The following CCDC186 variants were observed in gnomAD, a reference collection of about 807,000 sequenced individuals.
CCDC186 encodes the protein coiled-coil domain containing 186, also known as coiled-coil domain-containing protein 186.
CCDC186 carries 49 observed loss-of-function variants against 113.7 expected under a neutral mutation model. The observed-to-expected ratio is 0.43, with a 90% CI of 0.34 to 0.55. The LOEUF is 0.55. Ranked by LOEUF, CCDC186 falls within the 20% of genes least tolerant of loss-of-function variation. The pLI, the probability that CCDC186 is intolerant of heterozygous loss-of-function variation, is 0.02. For synonymous variants in CCDC186, 355 were observed against 345.8 expected (o/e 1.03, Z -0.30); for missense variants, 890 against 1,011.1 (o/e 0.88, Z 1.62).
chr10:114,157,497 G>T, intron 3 of CCDC186, 57 bp downstream of exon 3: 16 of 1,489,076 alleles, frequency 1.1e-5, no homozygotes, highest in Non-Finnish European at 1.4e-5. Context: ...CGGCTGCCAG[G>T]AATGTATTTA....
chr10:114,152,942 T>C (rs1242750979), intron 3 of CCDC186, among the ~76,000 whole-genome samples: 1 of 152,208 alleles, frequency 6.6e-6, no homozygotes, highest in Non-Finnish European at 1.5e-5. Flanking sequence ...CAGATAAATG[T>C]ATATGCATCT....
At chr10:114,146,319 T>C (rs534124266) in intron 4 of CCDC186, among the ~76,000 whole-genome samples, 1 of 152,338 alleles carries the variant, frequency 6.6e-6, no homozygotes, top group African/African-American at 2.4e-5. Context: ...TCTTCCCTTT[T>C]TGGGATCCCT....
In CCDC186 at chr10:114,151,220, A is replaced by T; in HGVS notation, c.760T>A (p.Leu254Ile). The change falls in exon 4 of 16, where the codon TTA becomes ATA. Residue 254 changes from leucine (L) to isoleucine (I), a missense_variant and splice_region_variant. Coordinates refer to ENST00000369287, the MANE Select transcript of CCDC186 (RefSeq NM_018017.4). ...EKQHMNTIKQ[L>I]ESRIEELNKE... is the part of the protein sequence containing the mutation. ...TTAAGTTCTTCTATTCTTGATTCTA[A>T]CTGTAAAGAAAATTATTTCCAAATT... The T allele has an allele frequency of 6.5e-7, 1 of 1,530,108 alleles. No individual in the cohort carries two copies. Among genetic ancestry groups the T allele is most frequent in the South Asian group, 1.1e-5 (1 of 86,982 alleles). The allele number at this position is 1,530,108 out of a possible 1,614,324, so 94.8% of individuals were successfully genotyped here.
At chr10:114,155,142 G>GA (rs2031972778) in intron 3 of CCDC186, among the ~76,000 whole-genome samples, 1 of 152,156 alleles carries the variant, frequency 6.6e-6, no homozygotes, top group African/African-American at 2.4e-5. Flanking sequence ...TTTTTGGGGT[G>GA]ATGACATGTT....
At position 114,122,663 on chromosome 10, in the gene CCDC186, G is replaced by A. The variant is rs2030765961; in HGVS notation, c.*2480C>T. On this transcript the variant is annotated 3_prime_UTR_variant, in exon 16 of 16. Transcript: ENST00000369287. ...CCATTCTCCTCACCATATATTCAGA[G>A]GGCAGAAGGCCCTCTAAATCCTTAC... The A allele has an allele frequency of 6.6e-6, 1 of 152,040 alleles. No homozygotes were observed. Among genetic ancestry groups the A allele is most frequent in the African/African-American group, 2.4e-5 (1 of 41,398 alleles). 9.4% of individuals were successfully genotyped at this position (152,040 alleles called of 1,614,324 possible). A position where few individuals can be genotyped will look rare whatever the true frequency, so the allele number is the denominator to read the frequency against.
At chr10:114,145,193 C>G (rs1346830426) in intron 5 of CCDC186, among the ~76,000 whole-genome samples, 3 of 152,004 alleles carry the variant, frequency 2.0e-5, no homozygotes, top group Non-Finnish European at 4.4e-5. Context: ...GGTTCTAAAA[C>G]TATTCATTTT....
rs372914668 is a variant in CCDC186, at chr10:114,144,631, C to T, written c.1102-15G>A. ...GTTTCGCCTTCCTAAAATAATATCA[C>T]TAGGTCATATATTTTCATTTATAGA... On this transcript the variant is annotated splice_polypyrimidine_tract_variant and intron_variant, in intron 5 of 15. Coordinates refer to ENST00000369287, the MANE Select transcript of CCDC186 (RefSeq NM_018017.4). 3.1e-6 allele frequency: 5 copies of T among 1,590,222 alleles called. No individual in the cohort carries two copies. The highest frequency in any genetic ancestry group is 3.5e-5 in the Admixed American group (2 of 57,128).
intron 1 of CCDC186, among the ~76,000 whole-genome samples, chr10:114,165,549 G>C (rs2032309814): frequency 6.6e-6 from 1 of 152,190 alleles, no homozygotes; most frequent in Admixed American, 6.5e-5. Context: ...AAATTAGCTG[G>C]GCGTGGTGGC....
rs372109592 is a variant in CCDC186 at position 114,140,449 on chromosome 10, G to A, written c.1222-3159C>T. On this transcript the variant is annotated intron_variant, in intron 6 of 15. Coordinates refer to ENST00000369287, the MANE Select transcript of CCDC186 (RefSeq NM_018017.4). ...ACATAGGAAAGCAATGGAGGAAAGG[G>A]TACATTTTTAGTTCAATTTTAGACA... 3.7e-4 allele frequency among the ~76,000 whole-genome samples: 57 copies of A among 152,312 alleles called. No homozygotes were observed. The South Asian group carries it at 0.011, about 30-fold the overall frequency.
chr10:114,170,157 C>T (rs538386454), intron 1 of CCDC186, among the ~76,000 whole-genome samples: 2 of 152,108 alleles, frequency 1.3e-5, no homozygotes, highest in South Asian at 2.1e-4. Context: ...GATGAAAATA[C>T]CTGACACTTA....
chr10:114,141,904 T>C (rs2031480626), intron 6 of CCDC186, among the ~76,000 whole-genome samples: 3 of 152,190 alleles, frequency 2.0e-5, no homozygotes, highest in African/African-American at 7.2e-5. Flanking sequence ...ATGCTGCCTG[T>C]TGTCTCAAGT....
rs76408582 is a variant in CCDC186 at position 114,128,048 on chromosome 10, A to C, written c.2183-377T>G. 8.7e-3 allele frequency among the ~76,000 whole-genome samples: 1,324 copies of C among 152,286 alleles called. 20 individuals are homozygous for C. Among genetic ancestry groups the C allele is most frequent in the African/African-American group, 0.03 (1,236 of 41,556 alleles). On this transcript the variant is annotated intron_variant, in intron 13 of 15. Transcript: ENST00000369287. Reference sequence around the variant, plus strand: ...GAATATAGTGGGTTAAGCTCTGAGGACAGCCTGTCTAGGTTCAAATACTAC... The same window carrying C: ...GAATATAGTGGGTTAAGCTCTGAGGCCAGCCTGTCTAGGTTCAAATACTAC...
intron 10 of CCDC186, among the ~76,000 whole-genome samples, chr10:114,133,324 T>C (rs2031152565): frequency 6.6e-6 from 1 of 152,144 alleles, no homozygotes; most frequent in African/African-American, 2.4e-5. Flanking sequence ...CCTGCTAAGC[T>C]GGACAGTCAC....
intron 2 of CCDC186, among the ~76,000 whole-genome samples, chr10:114,159,331 T>A (rs2032096825): frequency 6.6e-6 from 1 of 152,096 alleles, no homozygotes; most frequent in African/African-American, 2.4e-5. Context: ...CTCAATTTGT[T>A]ACTTATGTGC....
intron 6 of CCDC186, among the ~76,000 whole-genome samples, chr10:114,138,586 T>C (rs2031359009): frequency 6.6e-6 from 1 of 152,054 alleles, no homozygotes; most frequent in Non-Finnish European, 1.5e-5. Flanking sequence ...TTGGTTTCTG[T>C]TCCTAACCAT....
intron 1 of CCDC186, among the ~76,000 whole-genome samples, chr10:114,169,159 G>A (rs1190616613): frequency 6.9e-6 from 1 of 145,274 alleles, no homozygotes; most frequent in Non-Finnish European, 1.5e-5. Context: ...ATGCAGAAGT[G>A]TTTTAAGTAT....
chr10:114,140,967 T>C lies in CCDC186; in HGVS notation c.1221+3530A>G, dbSNP rs372409146. The stretch of plus-strand genomic sequence containing the variant: ...CCCAGGCTGGAGTGCAGTGGCATGA[T>C]CATAGCTTCAACTCCTGGGCTCAAG... On this transcript the variant is annotated intron_variant, in intron 6 of 15. Coordinates refer to ENST00000369287, the MANE Select transcript of CCDC186 (RefSeq NM_018017.4). Among the ~76,000 whole-genome samples the C allele has an allele frequency of 2.6e-5, 4 of 151,832 alleles. No individual in the cohort carries two copies. The East Asian group carries it at 7.8e-4, about 29-fold the overall frequency.
intron 4 of CCDC186, among the ~76,000 whole-genome samples, chr10:114,149,960 G>C (rs762813480): frequency 1.3e-5 from 2 of 152,180 alleles, no homozygotes; most frequent in Non-Finnish European, 2.9e-5. Context: ...CTTAGGCTCT[G>C]TATTTCCCTT....
chr10:114,125,493 T>C lies in CCDC186; in HGVS notation c.2614-267A>G, dbSNP rs74409112. Among the ~76,000 whole-genome samples the C allele has an allele frequency of 8.5e-3, 1,295 of 152,282 alleles. 20 individuals are homozygous for C. The highest frequency in any genetic ancestry group is 0.029 in the African/African-American group (1,210 of 41,558). On this transcript the variant is annotated intron_variant, in intron 15 of 15. Coordinates refer to ENST00000369287, the MANE Select transcript of CCDC186 (RefSeq NM_018017.4). ...TACTATTACTGATTTTAAAATTATT[T>C]TTAAACTAACTACTAATTTTCAAGG...
Sources: gnomAD v4.1 joint callset for allele counts (sites outside exome capture counted in the v4.1 genomes callset) on GRCh38, gnomAD v4.1.1 for gene constraint, MANE v1.5 for transcripts, NCBI Gene and HGNC (gene_info 2026-07-23, HGNC 2026-07-21) for gene names.